Variants in CIB1 observed in about 807,000 individuals in gnomAD.
The protein encoded by CIB1 is calcium and integrin-binding protein 1.
CIB1 carries 19 observed loss-of-function variants against 25.0 expected under a neutral mutation model. The ratio of observed to expected loss-of-function variants is 0.76; its 90% CI spans 0.53 to 1.12. The LOEUF is 1.12. Among genes scored for constraint, CIB1 ranks in the 50% most tolerant of loss-of-function variants. The pLI is 0.00. For missense variants in CIB1, 236 were observed against 242.6 expected (o/e 0.97, Z 0.18); for synonymous variants, 104 against 98.5 (o/e 1.06, Z -0.33).
At chr15:90,242,000 G>GC in the CIB1 span, 1 of 1,614,140 alleles carries the variant, frequency 6.2e-7, no homozygotes, top group Non-Finnish European at 8.5e-7. Flanking sequence ...ACTGTCGGCT[G>GC]CCCCCATCCC....
chr15:90,262,081 C>A, the CIB1 span: 213 of 1,535,948 alleles, frequency 1.4e-4, no homozygotes, highest in Non-Finnish European at 1.8e-4. Context: ...TGGGAAAATA[C>A]CGGCGGATCT....
chr15:90,241,268 C>T, the CIB1 span: 2 of 1,614,164 alleles, frequency 1.2e-6, no homozygotes, highest in Non-Finnish European at 1.7e-6. Context: ...AGGCATTTGA[C>T]CCTGTACAGT....
the CIB1 span, chr15:90,264,893 G>A: frequency 2.6e-6 from 4 of 1,536,108 alleles, no homozygotes; most frequent in African/African-American, 1.4e-5. Context: ...AGCAGCCAAG[G>A]TTCCCCTCTG....
At chr15:90,230,819 TG>T in intron 6 of CIB1, 114 bp downstream of exon 6, 1 of 972,756 alleles carries the variant, frequency 1.0e-6, no homozygotes. Context: ...GCCCTGTGTG[TG>T]GGGACTGGGG....
chr15:90,248,508 A>G, the CIB1 span, among the ~76,000 whole-genome samples: 162 of 152,110 alleles, frequency 1.1e-3, 1 homozygote, highest in Middle Eastern at 6.8e-3. Flanking sequence ...TGAGGTCAGG[A>G]GTTCAAGATC....
At chr15:90,256,388 A>G in the CIB1 span, 3 of 1,528,888 alleles carry the variant, frequency 2.0e-6, no homozygotes, top group Admixed American at 3.6e-5. Flanking sequence ...AGCTGGTCTT[A>G]GGCTTCTACC....
At chr15:90,257,030 AT>A in the CIB1 span, 1 of 1,093,016 alleles carries the variant, frequency 9.1e-7, no homozygotes, top group African/African-American at 1.6e-5. Flanking sequence ...ACTATTTTAC[AT>A]GGTTATTGTG....
At chr15:90,232,684 A>G (rs1350979291) in intron 2 of CIB1, among the ~76,000 whole-genome samples, 3 of 152,216 alleles carry the variant, frequency 2.0e-5, no homozygotes, top group African/African-American at 7.2e-5. Context: ...AGGCGGGCGG[A>G]GCTTTGGAGG....
chr15:90,263,977 G>A, the CIB1 span: 1 of 1,536,058 alleles, frequency 6.5e-7, no homozygotes, highest in Non-Finnish European at 8.7e-7. Context: ...AGGAGAGCCG[G>A]CAGCCATCAA....
chr15:90,252,329 G>A, the CIB1 span, among the ~76,000 whole-genome samples: 1 of 151,948 alleles, frequency 6.6e-6, no homozygotes, highest in African/African-American at 2.4e-5. Context: ...GAGCCACCAT[G>A]CCCAGCCTGC....
At chr15:90,248,335 G>T in the CIB1 span, among the ~76,000 whole-genome samples, 2 of 152,176 alleles carry the variant, frequency 1.3e-5, no homozygotes, top group Admixed American at 1.3e-4. Context: ...CCTGAACTAT[G>T]AAACATGAAT....
the CIB1 span, chr15:90,258,016 C>A: frequency 0.28 from 456,950 of 1,609,574 alleles, 72,703 homozygotes; most frequent in East Asian, 0.67. Flanking sequence ...ACTGGCCTTC[C>A]TCTGAGCACT....
the CIB1 span, chr15:90,242,253 CTTTTTTTTTTT>C: frequency 4.5e-5 from 4 of 89,310 alleles, no homozygotes; most frequent in Non-Finnish European, 5.5e-5. Context: ...ACACACCTGG[CTTTTTTTTTTT>C]TTTTTTTTTT....
the CIB1 span, chr15:90,242,253 C>CTTT: frequency 2.2e-5 from 2 of 89,312 alleles, no homozygotes; most frequent in Admixed American, 1.7e-4. Context: ...ACACACCTGG[C>CTTT]TTTTTTTTTT....
chr15:90,232,868 T>A (rs1247605970), intron 2 of CIB1, among the ~76,000 whole-genome samples: 2 of 149,966 alleles, frequency 1.3e-5, no homozygotes, highest in African/African-American at 5.0e-5. Context: ...AGGCAGAGCC[T>A]GCAGTGAGCC....
At chr15:90,246,179 G>A in the CIB1 span, among the ~76,000 whole-genome samples, 2 of 151,862 alleles carry the variant, frequency 1.3e-5, no homozygotes, top group Admixed American at 1.3e-4. Flanking sequence ...AGGCTGAGGC[G>A]GAAGAATCGC....
At chr15:90,265,378 A>G in the CIB1 span, 1 of 1,237,512 alleles carries the variant, frequency 8.1e-7, no homozygotes, top group Non-Finnish European at 1.0e-6. Flanking sequence ...AGCCCTGCCC[A>G]CCGAGGTGGC....
chr15:90,265,463 G>C, the CIB1 span: 670 of 1,365,978 alleles, frequency 4.9e-4, no homozygotes, highest in Non-Finnish European at 5.9e-4. Context: ...TTTAATTAAA[G>C]TTTATGCAGT....
the CIB1 span, among the ~76,000 whole-genome samples, chr15:90,253,672 T>C: frequency 2.0e-5 from 3 of 152,152 alleles, no homozygotes; most frequent in Non-Finnish European, 4.4e-5. Context: ...GGGAGAATAC[T>C]GGGAGGCAGC....
Sources: allele counts gnomAD v4.1 joint callset (sites outside exome capture counted in the v4.1 genomes callset), GRCh38; gene constraint gnomAD v4.1.1; transcripts MANE v1.5; gene names NCBI Gene and HGNC (gene_info 2026-07-23, HGNC 2026-07-21).